GLB1L2: variants seen among roughly 807,000 people sequenced by gnomAD.
GLB1L2 encodes beta-galactosidase-1-like protein 2.
A neutral mutation model predicts 84.1 loss-of-function variants in GLB1L2; 68 were observed. The ratio of observed to expected loss-of-function variants is 0.81; its 90% CI spans 0.67 to 0.99. GLB1L2 has a LOEUF of 0.99. Among genes scored for constraint, GLB1L2 ranks in the 50% least tolerant of loss-of-function variants. The pLI, the probability that GLB1L2 is intolerant of heterozygous loss-of-function variation, is 0.00. For missense variants in GLB1L2, 762 were observed against 805.6 expected, an observed-to-expected ratio of 0.95 and a Z score of 0.66; for synonymous variants, 290 against 318.0, an observed-to-expected ratio of 0.91 and a Z score of 0.94.
Position 134,369,902 on chromosome 11 carries a change from A to C in GLB1L2, c.1108+17A>C. 1 of 1,609,666 alleles carries C rather than the reference A, an allele frequency of 6.2e-7. No homozygotes were observed. Among genetic ancestry groups the C allele is most frequent in the Non-Finnish European group, 8.5e-7 (1 of 1,176,210 alleles). ...CCATCTCAGGTACCCAGCAGACAGC[A>C]GACTCAAGTTCCAACTCAGGCCCTC... On this transcript the variant is annotated intron_variant, in intron 11 of 18. Coordinates refer to ENST00000535456, the MANE Select transcript of GLB1L2 (RefSeq NM_001370461.1).
At chr11:134,374,336 G>C in intron 17 of GLB1L2, 80 bp downstream of exon 17, 1 of 1,181,662 alleles carries the variant, frequency 8.5e-7, no homozygotes, top group Admixed American at 1.7e-5. Flanking sequence ...CCACGAGCTT[G>C]GCGAGAGTCG....
chr11:134,361,288 T>C (rs1189251981), intron 7 of GLB1L2: 7 of 152,238 alleles, frequency 4.6e-5, no homozygotes, highest in Non-Finnish European at 8.8e-5. Context: ...ATGGTACCCC[T>C]GCACTCTAGC....
In GLB1L2 at chr11:134,374,959, C is replaced by T. The variant is rs1460594687; in HGVS notation, c.1825-13C>T. 6 of 1,611,072 alleles carry T rather than the reference C, an allele frequency of 3.7e-6. No individual in the cohort carries two copies. Among genetic ancestry groups the T allele is most frequent in the African/African-American group, 1.3e-5 (1 of 74,998 alleles). On this transcript the variant is annotated splice_polypyrimidine_tract_variant and intron_variant, in intron 18 of 18. Transcript: ENST00000535456. ...ACGTCAGCTGCCCTCCCAGCCGGGC[C>T]CTCTCTCCACAGGTCATCGTTTTTG...
At position 134,373,787 on chromosome 11, in the gene GLB1L2, TGAA is replaced by T. The variant is rs1325461941; in HGVS notation, c.1580_1582del (p.Lys527del). 7 of 1,610,688 alleles carry T rather than the reference TGAA, an allele frequency of 4.3e-6. No homozygotes were observed. The highest frequency in any genetic ancestry group is 2.2e-5 in the South Asian group (2 of 90,998). On this transcript the variant is annotated inframe_deletion, in exon 16 of 19. Transcript: ENST00000535456. Reference sequence around the variant, plus strand: ...AACTTCAGAATCTATAGCCTGGATATGAAGAAGAGCTTCTTTCAGAGGTGGGTC... The same window carrying T: ...AACTTCAGAATCTATAGCCTGGATATGAAGAGCTTCTTTCAGAGGTGGGTC...
chr11:134,353,236 C>T (rs1323507576), intron 5 of GLB1L2, among the ~76,000 whole-genome samples: 5 of 151,920 alleles, frequency 3.3e-5, no homozygotes, highest in African/African-American at 1.2e-4. Context: ...TGTTGAAACC[C>T]ATTCTCTACT....
chr11:134,354,539 T>G (rs1302267819), intron 5 of GLB1L2, among the ~76,000 whole-genome samples: 4 of 152,134 alleles, frequency 2.6e-5, no homozygotes, highest in Non-Finnish European at 5.9e-5. Context: ...TTAGGTGTTT[T>G]TTTTCTAGGG....
rs1187565433 is a variant in GLB1L2 at position 134,375,578 on chromosome 11, T to G, written c.*520T>G. ...TTCTTCCTTCACAACCTTCTGAGCC[T>G]TCTTTGGGATTCTGGAAGGAACTCG... is the stretch of plus-strand genomic sequence containing the variant. On this transcript the variant is annotated 3_prime_UTR_variant, in exon 19 of 19. Coordinates refer to ENST00000535456, the MANE Select transcript of GLB1L2 (RefSeq NM_001370461.1). The G allele has an allele frequency of 6.6e-6, 1 of 152,564 alleles. No individual in the cohort carries two copies. The highest frequency in any genetic ancestry group is 6.5e-5 in the Admixed American group (1 of 15,294). The allele number at this position is 152,564 out of a possible 1,614,324, so 9.5% of individuals were successfully genotyped here.
intron 7 of GLB1L2, among the ~76,000 whole-genome samples, chr11:134,364,100 C>G (rs555404929): frequency 6.6e-6 from 1 of 152,136 alleles, no homozygotes; most frequent in East Asian, 1.9e-4. Flanking sequence ...AGGCTGGTCT[C>G]GAACTCCTGG....
intron 5 of GLB1L2, chr11:134,355,970 TG>T (rs1235450380): frequency 2.0e-6 from 1 of 491,454 alleles, no homozygotes; most frequent in African/African-American, 1.9e-5. Flanking sequence ...TACATTGGGG[TG>T]GGGCAAGAAC....
At position 134,364,376 on chromosome 11, in the gene GLB1L2, C is replaced by G. The variant is rs1374454244; in HGVS notation, c.782C>G (p.Thr261Ser). ...LQSTHELQLL[T>S]TFLFNVQGTQ... ...TCAACACACGAGCTGCAGCTACTGA[C>G]CACCTTTCTCTTCAACGTCCAGGTA... The change falls in exon 8 of 19, where the codon ACC becomes AGC. Residue 261 changes from threonine (T) to serine (S), a missense_variant. Around this residue, in one of 3 missense-constraint regions of GLB1L2, gnomAD observed 603 missense variants for 611.7 expected, o/e 0.99. Transcript: ENST00000535456. 4 of 1,614,016 alleles carry G rather than the reference C, an allele frequency of 2.5e-6. No homozygotes were observed. In the South Asian group the frequency reaches 4.4e-5, roughly 18 times the overall value.
intron 8 of GLB1L2, among the ~76,000 whole-genome samples, chr11:134,366,296 C>T (rs575701826): frequency 4.6e-5 from 7 of 152,216 alleles, no homozygotes; most frequent in South Asian, 2.1e-4. Flanking sequence ...AAAACCAAGC[C>T]GCCAGTCTTG....
At chr11:134,359,010 A>G in intron 6 of GLB1L2, 50 bp from the exon 7 acceptor site, 10 of 1,353,534 alleles carry the variant, frequency 7.4e-6, no homozygotes, top group Non-Finnish European at 1.0e-5. Flanking sequence ...GTCACTGCAG[A>G]AGCTCTAAGG....
intron 10 of GLB1L2, 134 bp downstream of exon 10, chr11:134,368,915 T>G: frequency 1.1e-6 from 1 of 894,606 alleles, no homozygotes; most frequent in East Asian, 2.6e-5. Context: ...AGAAGGTACT[T>G]GCCTGGACAG....
intron 5 of GLB1L2, among the ~76,000 whole-genome samples, chr11:134,355,493 G>C (rs547531035): frequency 7.2e-4 from 110 of 152,292 alleles, no homozygotes; most frequent in African/African-American, 2.6e-3. Flanking sequence ...GGGCCCCTAA[G>C]CCCGGAGATC....
intron 7 of GLB1L2, chr11:134,361,259 G>A (rs1256423861): frequency 6.6e-6 from 1 of 152,268 alleles, no homozygotes; most frequent in African/African-American, 2.4e-5. Flanking sequence ...GTGAGAGGCA[G>A]AGGTTGCAGT....
chr11:134,347,062 C>T (rs557203611), intron 4 of GLB1L2: 120 of 443,982 alleles, frequency 2.7e-4, no homozygotes, highest in Middle Eastern at 1.2e-3. Flanking sequence ...TCACTGCTGG[C>T]AGCCAGGCCC....
At chr11:134,372,236 T>C (rs957892081) in intron 15 of GLB1L2, among the ~76,000 whole-genome samples, 4 of 152,172 alleles carry the variant, frequency 2.6e-5, no homozygotes, top group African/African-American at 9.7e-5. Context: ...TCTTGATCCA[T>C]CTTGGGAAAG....
chr11:134,340,062 C>T (rs367999517), intron 1 of GLB1L2, among the ~76,000 whole-genome samples: 6 of 152,208 alleles, frequency 3.9e-5, no homozygotes, highest in African/African-American at 1.2e-4. Flanking sequence ...GTTGGAATGT[C>T]GGTCAGAGAG....
At position 134,358,811 on chromosome 11, in the gene GLB1L2, C is replaced by T. The variant is rs183149051; in HGVS notation, c.652-249C>T. On this transcript the variant is annotated intron_variant, in intron 6 of 18. Coordinates refer to ENST00000535456, the MANE Select transcript of GLB1L2 (RefSeq NM_001370461.1). The stretch of plus-strand genomic sequence containing the variant: ...TGGCCCACCGGGCACCTTCCAGATC[C>T]GGAGCAACCAGGGGCTGCCCTAGTT... 2.7e-3 allele frequency among the ~76,000 whole-genome samples: 407 copies of T among 152,384 alleles called. 2 individuals are homozygous for T. The highest frequency in any genetic ancestry group is 4.4e-3 in the Non-Finnish European group (299 of 68,046).
Sources: allele counts gnomAD v4.1 joint callset (sites outside exome capture counted in the v4.1 genomes callset), GRCh38; gene constraint gnomAD v4.1.1; regional missense constraint gnomAD v4.1.1; transcripts MANE v1.5; gene names NCBI Gene and HGNC (gene_info 2026-07-23, HGNC 2026-07-21).